The following AMMECR1 variants were observed in gnomAD, a reference collection of about 807,000 sequenced individuals.
The protein encoded by AMMECR1 is nuclear protein AMMECR1.
Under a neutral mutation model 22.5 loss-of-function variants are expected in AMMECR1, and 3 were observed. The observed-to-expected ratio is 0.13, with a 90% confidence interval of 0.06 to 0.35. The LOEUF is 0.35. Ranked by LOEUF, AMMECR1 falls within the 10% of genes least tolerant of loss-of-function variation. AMMECR1 has a pLI of 1.00. For synonymous variants in AMMECR1, 130 were observed against 116.7 expected (o/e 1.11, Z -0.74); for missense variants, 235 against 278.7 (o/e 0.84, Z 1.12).
Position 110,198,292 on chromosome X carries a change from G to A in AMMECR1, c.*228C>T. ...AAAAAAACCCAAAATTATATATGCT[G>A]CAAAAAAAAAATCAACGATCTAAAA... On this transcript the variant is annotated 3_prime_UTR_variant, in exon 6 of 6. Coordinates refer to ENST00000262844, the MANE Select transcript of AMMECR1 (RefSeq NM_015365.3). The A allele has an allele frequency of 3.9e-6, 1 of 257,873 alleles. No homozygotes were observed. The highest frequency in any genetic ancestry group is 6.9e-6 in the Non-Finnish European group (1 of 145,813). The allele number at this position is 257,873 out of a possible 1,213,427, so 21.3% of individuals were successfully genotyped here.
At chrX:110,357,344 T>C (rs1473124519) in intron 2 of AMMECR1, among the ~76,000 whole-genome samples, 1 of 111,909 alleles carries the variant, frequency 8.9e-6, no homozygotes, top group Non-Finnish European at 1.9e-5. Context: ...AAATTGTGCC[T>C]TTTTACACTT....
upstream of AMMECR1, among the ~76,000 whole-genome samples, chrX:110,318,791 T>C (rs922353771): frequency 5.4e-5 from 6 of 112,058 alleles, no homozygotes; most frequent in Non-Finnish European, 9.4e-5. Flanking sequence ...CCTTTCCTTA[T>C]GGAGAAATAT....
intron 2 of AMMECR1, among the ~76,000 whole-genome samples, chrX:110,389,374 C>A (rs1289709899): frequency 8.9e-6 from 1 of 112,091 alleles, no homozygotes; most frequent in Non-Finnish European, 1.9e-5. Context: ...AGGTTGCTTG[C>A]AACAGTGGAA....
intron 1 of AMMECR1, among the ~76,000 whole-genome samples, chrX:110,436,222 G>A (rs959569985): frequency 1.8e-5 from 2 of 111,732 alleles, no homozygotes; most frequent in Non-Finnish European, 3.8e-5. Flanking sequence ...GGACTTCGAA[G>A]GCATTTCCAT....
chrX:110,222,605 AT>A (rs1304256719), intron 2 of AMMECR1, among the ~76,000 whole-genome samples: 1 of 108,024 alleles, frequency 9.3e-6, no homozygotes, highest in Non-Finnish European at 1.9e-5. Flanking sequence ...AAAAAAAACC[AT>A]ATTATCCAAT....
At chrX:110,246,504 C>T (rs1267059415) in intron 2 of AMMECR1, among the ~76,000 whole-genome samples, 1 of 112,017 alleles carries the variant, frequency 8.9e-6, no homozygotes, top group African/African-American at 3.2e-5. Flanking sequence ...AAACAAATAC[C>T]TCAGTATACT....
intron 1 of AMMECR1, among the ~76,000 whole-genome samples, chrX:110,432,167 GCT>G: frequency 8.9e-6 from 1 of 112,102 alleles, no homozygotes; most frequent in East Asian, 2.8e-4. Context: ...GAAGGGAGGG[GCT>G]AAGTGCCTAG....
chrX:110,378,393 C>T (rs1030851326), intron 2 of AMMECR1, among the ~76,000 whole-genome samples: 3 of 111,612 alleles, frequency 2.7e-5, no homozygotes, highest in Non-Finnish European at 5.6e-5. Context: ...CACATCCAAT[C>T]TCCCCATATC....
intron 1 of AMMECR1, among the ~76,000 whole-genome samples, chrX:110,269,870 C>A (rs1387714395): frequency 8.9e-6 from 1 of 111,806 alleles, no homozygotes; most frequent in African/African-American, 3.3e-5. Context: ...ATAGGGATGC[C>A]ATAATAAAAT....
In AMMECR1 at chrX:110,198,274, C is replaced by A. The variant is rs1170169652; in HGVS notation, c.*246G>T. On this transcript the variant is annotated 3_prime_UTR_variant, in exon 6 of 6. Transcript: ENST00000262844. Reference sequence around the variant, plus strand: ...ACATAATATTATAAGGAAAAAAAAACCCAAAATTATATATGCTGCAAAAAA... The same window carrying A: ...ACATAATATTATAAGGAAAAAAAAAACCAAAATTATATATGCTGCAAAAAA... 3.4e-5 allele frequency: 8 copies of A among 232,128 alleles called. No individual in the cohort carries two copies. Among genetic ancestry groups the A allele is most frequent in the East Asian group, 6.6e-5 (1 of 15,253 alleles). 19.1% of individuals were successfully genotyped at this position (232,128 alleles called of 1,213,427 possible).
At chrX:110,430,496 C>T (rs1022287904) in intron 1 of AMMECR1, among the ~76,000 whole-genome samples, 6 of 111,813 alleles carry the variant, frequency 5.4e-5, no homozygotes, top group East Asian at 2.8e-4. Flanking sequence ...TAGTGAATGG[C>T]GGAACACAGA....
chrX:110,346,771 G>C, intron 2 of AMMECR1: 1 of 778,374 alleles, frequency 1.3e-6, no homozygotes, highest in Non-Finnish European at 2.0e-6. Flanking sequence ...GTCAGCAGAG[G>C]GTCATGTTGA....
At chrX:110,327,057 A>G (rs1237754491) in intron 2 of AMMECR1, among the ~76,000 whole-genome samples, 1 of 112,144 alleles carries the variant, frequency 8.9e-6, no homozygotes, top group Non-Finnish European at 1.9e-5. Context: ...GAGCAGGTCC[A>G]CAGGATATCA....
At chrX:110,373,079 A>G (rs927033688) in intron 2 of AMMECR1, among the ~76,000 whole-genome samples, 3 of 111,920 alleles carry the variant, frequency 2.7e-5, no homozygotes, top group African/African-American at 9.7e-5. Flanking sequence ...CATCACAGAA[A>G]CCCTATGATA....
intron 2 of AMMECR1, among the ~76,000 whole-genome samples, chrX:110,405,056 T>G (rs1337748311): frequency 9.5e-6 from 1 of 105,497 alleles, no homozygotes; most frequent in Non-Finnish European, 1.9e-5. Flanking sequence ...GTCAGTTAAA[T>G]TCGAAAAATA....
At chrX:110,277,793 G>A (rs771547334) in intron 1 of AMMECR1, among the ~76,000 whole-genome samples, 10 of 111,359 alleles carry the variant, frequency 9.0e-5, no homozygotes, top group Non-Finnish European at 1.9e-4. Context: ...AAAGCACTCA[G>A]GTAGAAACTG....
intron 2 of AMMECR1, among the ~76,000 whole-genome samples, chrX:110,390,430 C>T (rs1368217000): frequency 1.8e-5 from 2 of 111,843 alleles, no homozygotes; most frequent in African/African-American, 3.3e-5. Context: ...AAAAGAATGA[C>T]GAGAACATCA....
At chrX:110,341,746 G>A (rs1039850452) in intron 2 of AMMECR1, among the ~76,000 whole-genome samples, 1 of 112,326 alleles carries the variant, frequency 8.9e-6, no homozygotes, top group Non-Finnish European at 1.9e-5. Context: ...ATATGCCAAA[G>A]AAAAGCTGTA....
exon 1 of AMMECR1, chrX:110,440,010 C>A (rs1003509189): frequency 2.7e-5 from 3 of 110,649 alleles, no homozygotes; most frequent in Non-Finnish European, 5.7e-5. Flanking sequence ...AAATCTTGTC[C>A]CCCGAAAGCC....
Sources: gnomAD v4.1 joint callset for allele counts (sites outside exome capture counted in the v4.1 genomes callset) on GRCh38, gnomAD v4.1.1 for gene constraint, MANE v1.5 for transcripts, NCBI Gene and HGNC (gene_info 2026-07-23, HGNC 2026-07-21) for gene names.